The following GLMN variants were observed in gnomAD, a reference collection of about 807,000 sequenced individuals.
GLMN encodes the protein glomulin, FKBP associated protein.
A neutral mutation model predicts 87.8 loss-of-function variants in GLMN; 75 were observed. The ratio of observed to expected loss-of-function variants is 0.85; its 90% confidence interval spans 0.71 to 1.04. GLMN has a LOEUF of 1.04. Among genes scored for constraint, GLMN ranks in the 50% least tolerant of loss-of-function variants. The pLI, the probability that GLMN is intolerant of heterozygous loss-of-function variation, is 0.00. For synonymous variants in GLMN, 206 were observed against 221.6 expected (o/e 0.93, Z 0.63); for missense variants, 588 against 658.8 (o/e 0.89, Z 1.18).
the GLMN span, among the ~76,000 whole-genome samples, chr1:92,359,385 T>A: frequency 6.6e-6 from 1 of 152,252 alleles, no homozygotes; most frequent in African/African-American, 2.4e-5. Flanking sequence ...AATGGCACAA[T>A]CTCGGCTCAC....
At chr1:92,296,678 AAC>A (rs1650099420) in intron 3 of GLMN, among the ~76,000 whole-genome samples, 1 of 152,210 alleles carries the variant, frequency 6.6e-6, no homozygotes, top group Non-Finnish European at 1.5e-5. Context: ...GGATGTTGCC[AAC>A]ACAGTGTCCC....
intron 7 of GLMN, among the ~76,000 whole-genome samples, chr1:92,278,380 A>G (rs977043284): frequency 1.3e-5 from 2 of 152,146 alleles, no homozygotes; most frequent in African/African-American, 4.8e-5. Context: ...CATCCCTCAC[A>G]GCCTCTTCAC....
chr1:92,271,708 C>G, intron 7 of GLMN, 56 bp from the exon 8 acceptor site: 1 of 1,186,934 alleles, frequency 8.4e-7, no homozygotes, highest in Non-Finnish European at 1.3e-6. Flanking sequence ...ATGCCCCCCA[C>G]CCCGTGTATT....
At chr1:92,273,610 AT>A (rs959828963) in intron 7 of GLMN, among the ~76,000 whole-genome samples, 10 of 147,370 alleles carry the variant, frequency 6.8e-5, no homozygotes, top group South Asian at 2.2e-4. Flanking sequence ...CATGCCCGCT[AT>A]TTTTTTTTTA....
At chr1:92,364,133 A>C in the GLMN span, among the ~76,000 whole-genome samples, 1 of 152,120 alleles carries the variant, frequency 6.6e-6, no homozygotes, top group Non-Finnish European at 1.5e-5. Context: ...TTGACAAGTG[A>C]CATTAAGTAT....
At chr1:92,258,906 A>C (rs546302406) in intron 16 of GLMN, among the ~76,000 whole-genome samples, 13 of 152,330 alleles carry the variant, frequency 8.5e-5, no homozygotes, top group Non-Finnish European at 1.9e-4. Context: ...TTGAAAAAAA[A>C]CCAAAACTTA....
At chr1:92,257,779 A>G (rs1654457130) in intron 16 of GLMN, among the ~76,000 whole-genome samples, 1 of 152,094 alleles carries the variant, frequency 6.6e-6, no homozygotes, top group Admixed American at 6.6e-5. Context: ...CATAAAATCT[A>G]AAACCATAAA....
intron 3 of GLMN, among the ~76,000 whole-genome samples, chr1:92,297,111 T>G: frequency 6.6e-6 from 1 of 150,610 alleles, no homozygotes; most frequent in South Asian, 2.1e-4. Flanking sequence ...TGACTGTTTC[T>G]TTTCTTTTTT....
chr1:92,279,601 G>T (rs765740297), intron 7 of GLMN, among the ~76,000 whole-genome samples: 1 of 152,100 alleles, frequency 6.6e-6, no homozygotes, highest in African/African-American at 2.4e-5. Context: ...CACTGGGACT[G>T]GTTGGACAGT....
the GLMN span, among the ~76,000 whole-genome samples, chr1:92,311,502 A>G: frequency 7.2e-5 from 11 of 152,258 alleles, no homozygotes; most frequent in African/African-American, 2.7e-4. Context: ...GATAAAATGT[A>G]GATCAAAGCT....
chr1:92,359,993 A>C, the GLMN span, among the ~76,000 whole-genome samples: 1 of 37,456 alleles, frequency 2.7e-5, no homozygotes, highest in Non-Finnish European at 4.2e-5. Flanking sequence ...CTCACAATTC[A>C]GTCTGGTAAT....
At chr1:92,295,062 T>C (rs1389609184) in intron 3 of GLMN, among the ~76,000 whole-genome samples, 2 of 152,268 alleles carry the variant, frequency 1.3e-5, no homozygotes, top group Non-Finnish European at 2.9e-5. Flanking sequence ...ATTCTCAAAC[T>C]ATTAAGACTA....
At chr1:92,250,228 A>T (rs1198912405) in intron 16 of GLMN, among the ~76,000 whole-genome samples, 1 of 152,132 alleles carries the variant, frequency 6.6e-6, no homozygotes, top group Non-Finnish European at 1.5e-5. Context: ...ATATGGCTGA[A>T]ATCCCCTTTA....
At chr1:92,324,305 G>T in the GLMN span, 1 of 1,613,926 alleles carries the variant, frequency 6.2e-7, no homozygotes, top group Non-Finnish European at 8.5e-7. Flanking sequence ...TTAAATCTGA[G>T]GATCAGGGAG....
intron 7 of GLMN, among the ~76,000 whole-genome samples, chr1:92,271,865 G>A (rs2100931128): frequency 6.6e-6 from 1 of 152,298 alleles, no homozygotes; most frequent in South Asian, 2.1e-4. Context: ...GGTTTTTGCA[G>A]ATGTAATTAA....
At chr1:92,325,081 A>G in the GLMN span, among the ~76,000 whole-genome samples, 2 of 152,194 alleles carry the variant, frequency 1.3e-5, no homozygotes, top group Non-Finnish European at 2.9e-5. Context: ...CTCAGTAAAT[A>G]GTACCCATAT....
the GLMN span, among the ~76,000 whole-genome samples, chr1:92,328,955 C>T: frequency 9.5e-3 from 1,449 of 152,278 alleles, 21 homozygotes; most frequent in African/African-American, 0.033. Context: ...AGGCTTCTGG[C>T]GGGTACTAGG....
upstream of GLMN, among the ~76,000 whole-genome samples, chr1:92,301,894 T>A (rs1331985698): frequency 6.6e-6 from 1 of 152,140 alleles, no homozygotes; most frequent in Non-Finnish European, 1.5e-5. Flanking sequence ...ATATGTGAGG[T>A]GATAGATATG....
At chr1:92,321,825 A>T in the GLMN span, among the ~76,000 whole-genome samples, 2 of 151,976 alleles carry the variant, frequency 1.3e-5, no homozygotes, top group Non-Finnish European at 2.9e-5. Context: ...TCTGTACAAC[A>T]ATCAACCAGA....
Sources: allele counts gnomAD v4.1 joint callset (sites outside exome capture counted in the v4.1 genomes callset), GRCh38; gene constraint gnomAD v4.1.1; transcripts MANE v1.5; gene names NCBI Gene and HGNC (gene_info 2026-07-23, HGNC 2026-07-21).